The following SETBP1 variants were observed in gnomAD, a reference collection of about 807,000 sequenced individuals.
SETBP1 encodes SET binding protein 1.
Under a neutral mutation model 101.0 loss-of-function variants are expected in SETBP1, and 9 were observed. That is an observed-to-expected ratio of 0.09 (90% CI 0.05 to 0.16). The LOEUF (loss-of-function observed/expected upper bound fraction) is 0.16. Ranked by LOEUF, SETBP1 falls within the 10% of genes least tolerant of loss-of-function variation. SETBP1 has a pLI of 1.00. For missense variants in SETBP1, 1,858 were observed against 2,033.8 expected, an observed-to-expected ratio of 0.91 and a Z score of 1.66; for synonymous variants, 818 against 788.5, an observed-to-expected ratio of 1.04 and a Z score of -0.63.
intron 1 of SETBP1, among the ~76,000 whole-genome samples, chr18:44,686,332 C>G (rs1396256614): frequency 6.6e-6 from 1 of 152,258 alleles, no homozygotes; most frequent in Non-Finnish European, 1.5e-5. Flanking sequence ...TGTTGTCAGA[C>G]TGGTTTCTTC....
chr18:44,938,040 G>A (rs984286208), intron 3 of SETBP1, among the ~76,000 whole-genome samples: 1 of 152,188 alleles, frequency 6.6e-6, no homozygotes, highest in African/African-American at 2.4e-5. Context: ...TGCTGACAGG[G>A]AAAGGGACTC....
At position 44,950,673 on chromosome 18, in the gene SETBP1, A is replaced by G; in HGVS notation, c.1333A>G (p.Ser445Gly). 2 of 1,614,206 alleles carry G rather than the reference A, an allele frequency of 1.2e-6. No individual in the cohort carries two copies. Among genetic ancestry groups the G allele is most frequent in the Non-Finnish European group, 1.7e-6 (2 of 1,180,026 alleles). Residue 445 changes from serine to glycine, a missense_variant, in exon 4 of 6, where the codon AGT (serine) becomes GGT (glycine). Transcript: ENST00000649279. Reference sequence around the variant, plus strand: ...CTTGGCTTCTGGAATCACCATGAGCAGTGAAGTAGTTAACAGGATACTTTC... The same window carrying G: ...CTTGGCTTCTGGAATCACCATGAGCGGTGAAGTAGTTAACAGGATACTTTC... Reference protein sequence around the residue: ...KALASGITMSSEVVNRILSNS... With the variant: ...KALASGITMSGEVVNRILSNS...
At position 44,774,721 on chromosome 18, in the gene SETBP1, C is replaced by A. The variant is rs547876273; in HGVS notation, c.486+72889C>A. On this transcript the variant is annotated intron_variant, in intron 2 of 5. Transcript: ENST00000649279. The stretch of plus-strand genomic sequence containing the variant: ...TCTGGAAAATATTCTTCAACCTCAG[C>A]CCGAAAATAGTTATACAGTCTGGAA... 4.3e-4 allele frequency among the ~76,000 whole-genome samples: 65 copies of A among 152,216 alleles called. 1 individual carries two copies. The highest frequency in any genetic ancestry group is 1.5e-3 in the African/African-American group (62 of 41,534).
chr18:44,772,379 G>A (rs879371896), intron 2 of SETBP1, among the ~76,000 whole-genome samples: 1 of 152,158 alleles, frequency 6.6e-6, no homozygotes, highest in African/African-American at 2.4e-5. Context: ...TCTGCCTGGA[G>A]AGCACAGGGC....
At chr18:45,002,732 ACTCT>A (rs1234749467) in intron 4 of SETBP1, among the ~76,000 whole-genome samples, 5 of 151,160 alleles carry the variant, frequency 3.3e-5, no homozygotes, top group African/African-American at 9.7e-5. Context: ...AACTTCAGCA[ACTCT>A]CTCATCTGAA....
At chr18:44,835,081 C>T (rs561214195) in intron 2 of SETBP1, among the ~76,000 whole-genome samples, 2 of 152,120 alleles carry the variant, frequency 1.3e-5, no homozygotes, top group African/African-American at 4.8e-5. Flanking sequence ...TACAGAGCAG[C>T]TAGAGGGAGC....
chr18:45,054,476 G>C (rs531328838), intron 5 of SETBP1, among the ~76,000 whole-genome samples: 1 of 152,124 alleles, frequency 6.6e-6, no homozygotes, highest in South Asian at 2.1e-4. Context: ...GTGAGCCACC[G>C]TGCCCAGCTG....
At chr18:44,754,247 A>T (rs919646882) in intron 2 of SETBP1, among the ~76,000 whole-genome samples, 1 of 152,224 alleles carries the variant, frequency 6.6e-6, no homozygotes, top group Admixed American at 6.5e-5. Flanking sequence ...ATATTTAAAT[A>T]TACCTTAAAT....
chr18:44,914,349 T>A (rs1014917658), intron 3 of SETBP1, among the ~76,000 whole-genome samples: 1 of 152,204 alleles, frequency 6.6e-6, no homozygotes, highest in East Asian at 1.9e-4. Context: ...ACTCTACTGT[T>A]AGGCAACACA....
At chr18:44,953,374 A>G (rs778315746) in intron 4 of SETBP1, 34 bp downstream of exon 4, 12 of 1,580,108 alleles carry the variant, frequency 7.6e-6, no homozygotes, top group African/African-American at 1.3e-5. Flanking sequence ...TGGATTATCA[A>G]GTTATTTCAT....
intron 2 of SETBP1, chr18:44,733,084 AGATGAGGGAAG>A (rs762883024): frequency 5.3e-5 from 8 of 152,204 alleles, no homozygotes; most frequent in Non-Finnish European, 1.0e-4. Flanking sequence ...CTCCAGACCT[AGATGAGGGAAG>A]GTGTAGGGAT....
chr18:44,687,864 C>T (rs1038026437), intron 1 of SETBP1, among the ~76,000 whole-genome samples: 9 of 152,090 alleles, frequency 5.9e-5, no homozygotes, highest in African/African-American at 1.7e-4. Context: ...GAGGTGTCCT[C>T]TCCATCCCCA....
At chr18:44,817,701 A>C (rs1402355685) in intron 2 of SETBP1, among the ~76,000 whole-genome samples, 1 of 151,984 alleles carries the variant, frequency 6.6e-6, no homozygotes, top group African/African-American at 2.4e-5. Context: ...AAAAAAAGAA[A>C]AAAAAAAAGG....
intron 2 of SETBP1, among the ~76,000 whole-genome samples, chr18:44,712,306 A>C (rs2069365191): frequency 6.6e-6 from 1 of 152,246 alleles, no homozygotes; most frequent in Non-Finnish European, 1.5e-5. Context: ...CTGTCCCTCC[A>C]GGTGGGCCAC....
chr18:44,684,434 A>C (rs1185025857), intron 1 of SETBP1, among the ~76,000 whole-genome samples: 2 of 152,106 alleles, frequency 1.3e-5, no homozygotes, highest in African/African-American at 4.8e-5. Flanking sequence ...ACTTTCTATT[A>C]GATTTTGATG....
chr18:44,837,128 C>T (rs1025600956), intron 2 of SETBP1, among the ~76,000 whole-genome samples: 3 of 152,228 alleles, frequency 2.0e-5, no homozygotes, highest in Non-Finnish European at 2.9e-5. Flanking sequence ...GTGGTCACCA[C>T]ACCACGTAAG....
chr18:44,880,101 A>T (rs1013615479), intron 3 of SETBP1, among the ~76,000 whole-genome samples: 1 of 152,210 alleles, frequency 6.6e-6, no homozygotes, highest in African/African-American at 2.4e-5. Context: ...GAACTGGACC[A>T]AAGGGCATTT....
chr18:44,728,811 TG>T (rs2069770155), intron 2 of SETBP1, among the ~76,000 whole-genome samples: 1 of 152,072 alleles, frequency 6.6e-6, no homozygotes, highest in South Asian at 2.1e-4. Context: ...TGCAGAGGCA[TG>T]GGTGATGAAA....
intron 1 of SETBP1, among the ~76,000 whole-genome samples, chr18:44,683,352 G>A (rs758100203): frequency 2.6e-5 from 4 of 152,204 alleles, no homozygotes; most frequent in African/African-American, 4.8e-5. Flanking sequence ...ACCTAAATGA[G>A]GGTTGGGGAA....
Sources: allele counts gnomAD v4.1 joint callset (sites outside exome capture counted in the v4.1 genomes callset), GRCh38; gene constraint gnomAD v4.1.1; transcripts MANE v1.5; gene names NCBI Gene and HGNC (gene_info 2026-07-23, HGNC 2026-07-21).